GRM8: variants seen among roughly 807,000 people sequenced by gnomAD.
GRM8 encodes the protein glutamate metabotropic receptor 8, also known as metabotropic glutamate receptor 8.
GRM8 carries 47 observed loss-of-function variants against 87.2 expected under a neutral mutation model. The observed-to-expected ratio is 0.54, with a 90% CI of 0.43 to 0.69. The LOEUF (loss-of-function observed/expected upper bound fraction) is 0.69, where lower values mean the gene tolerates loss of function less well. Among genes scored for constraint, GRM8 ranks in the 30% least tolerant of loss-of-function variants. The pLI, the probability that GRM8 is intolerant of heterozygous loss-of-function variation, is 0.00. For synonymous variants in GRM8, 396 were observed against 404.5 expected (o/e 0.98, Z 0.25); for missense variants, 1,019 against 1,139.2 (o/e 0.89, Z 1.52).
chr7:127,218,889 T>C (rs17868486), intron 2 of GRM8, among the ~76,000 whole-genome samples: 4 of 152,234 alleles, frequency 2.6e-5, no homozygotes, highest in Non-Finnish European at 4.4e-5. Flanking sequence ...TCATGCCTCC[T>C]AATGGTTCTG....
intron 8 of GRM8, among the ~76,000 whole-genome samples, chr7:126,557,758 CAT>C (rs1176206673): frequency 5.9e-5 from 9 of 152,078 alleles, no homozygotes; most frequent in Non-Finnish European, 1.2e-4. Flanking sequence ...AATATGGCAA[CAT>C]ATGTGTATGA....
chr7:126,732,739 A>AT (rs1417885835), intron 7 of GRM8, among the ~76,000 whole-genome samples: 1 of 152,050 alleles, frequency 6.6e-6, no homozygotes, highest in East Asian at 1.9e-4. Flanking sequence ...TCATTGTTAA[A>AT]TTTTTTCAAG....
At chr7:126,768,110 A>G (rs950906485) in intron 7 of GRM8, among the ~76,000 whole-genome samples, 1 of 151,988 alleles carries the variant, frequency 6.6e-6, no homozygotes, top group East Asian at 1.9e-4. Flanking sequence ...TTCAGATTTC[A>G]TCTGTTCCTA....
chr7:127,141,612 C>A (rs1414508712), intron 2 of GRM8, among the ~76,000 whole-genome samples: 1 of 152,156 alleles, frequency 6.6e-6, no homozygotes, highest in Non-Finnish European at 1.5e-5. Context: ...TTCTCTACCT[C>A]ATCTCCTTCC....
At position 127,243,234 on chromosome 7, in the gene GRM8, AC is replaced by A; in HGVS notation, c.-31del. The A allele has an allele frequency of 6.3e-7, 1 of 1,576,534 alleles. No homozygotes were observed. ...TCCACAGGTGGTATTGCAATCCAAG[AC>A]CCAAAGTTTATTCTTGCCACAGAAG... is the stretch of plus-strand genomic sequence containing the variant. On this transcript the variant is annotated 5_prime_UTR_variant, in exon 2 of 11. Coordinates refer to ENST00000339582, the MANE Select transcript of GRM8 (RefSeq NM_000845.3).
chr7:126,594,099 T>G (rs1223739771), intron 8 of GRM8, among the ~76,000 whole-genome samples: 1 of 151,816 alleles, frequency 6.6e-6, no homozygotes, highest in African/African-American at 2.4e-5. Context: ...AAAGTATTAG[T>G]GAGGATATGG....
rs1825832945 is a variant in GRM8 at position 127,106,650 on chromosome 7, A to G, written c.573T>C (p.Phe191=). The G allele has an allele frequency of 2.0e-5, 33 of 1,613,964 alleles. No homozygotes were observed. In the East Asian group the frequency reaches 7.1e-4, roughly 35 times the overall value. ...PELSDNTRYD[F]FSRVVPPDSY... is the part of the protein sequence containing the mutation. ...AGTCAGGCGGAACCACTCGAGAGAA[A>G]AAGTCATACCTGGTGTTATCACTTA... The change falls in exon 3 of 11, where the codon TTT becomes TTC. Residue 191 remains phenylalanine, a synonymous_variant. Coordinates refer to ENST00000339582, the MANE Select transcript of GRM8 (RefSeq NM_000845.3).
Position 126,868,308 on chromosome 7 carries a change from G to A in GRM8, c.1156+34234C>T, listed in dbSNP as rs561677776. On this transcript the variant is annotated intron_variant, in intron 6 of 10. Coordinates refer to ENST00000339582, the MANE Select transcript of GRM8 (RefSeq NM_000845.3). ...TGAAAGAGTGGGCCAGTGTGGACTC[G>A]AGCTCTAGCTGCTCAGCCTCAGGCT... Among the ~76,000 whole-genome samples, 96 of 152,250 alleles carry A rather than the reference G, an allele frequency of 6.3e-4. 1 individual carries two copies. Among genetic ancestry groups the A allele is most frequent in the Middle Eastern group, 3.4e-3 (1 of 294 alleles).
chr7:126,851,971 C>CT (rs2130728917), intron 6 of GRM8, among the ~76,000 whole-genome samples: 1 of 152,234 alleles, frequency 6.6e-6, no homozygotes, highest in East Asian at 1.9e-4. Flanking sequence ...TGCTCGAGTG[C>CT]TGTATTGCCA....
At chr7:126,945,710 G>C (rs995770498) in intron 3 of GRM8, among the ~76,000 whole-genome samples, 1 of 152,110 alleles carries the variant, frequency 6.6e-6, no homozygotes, top group African/African-American at 2.4e-5. Context: ...TCTGGTCCCA[G>C]GCATTTCAGA....
chr7:126,692,995 T>C (rs1269800660), intron 7 of GRM8, among the ~76,000 whole-genome samples: 1 of 152,214 alleles, frequency 6.6e-6, no homozygotes, highest in African/African-American at 2.4e-5. Context: ...AAGAATGGTG[T>C]TGCCTTCACC....
intron 7 of GRM8, among the ~76,000 whole-genome samples, chr7:126,672,168 C>A (rs749194239): frequency 6.6e-6 from 1 of 152,188 alleles, no homozygotes; most frequent in Admixed American, 6.5e-5. Context: ...CTGACAGTAG[C>A]GGAGATAGTG....
chr7:126,717,883 C>A (rs186969256), intron 7 of GRM8, among the ~76,000 whole-genome samples: 23 of 152,238 alleles, frequency 1.5e-4, no homozygotes, highest in African/African-American at 5.1e-4. Context: ...AGGAGTAACT[C>A]TTTCATAAGT....
At chr7:127,112,752 G>A (rs1456977012) in intron 2 of GRM8, among the ~76,000 whole-genome samples, 1 of 152,104 alleles carries the variant, frequency 6.6e-6, no homozygotes, top group Non-Finnish European at 1.5e-5. Flanking sequence ...TGTAGCCTGT[G>A]CAGTCTTCTC....
At chr7:126,619,805 C>G (rs572915160) in intron 7 of GRM8, among the ~76,000 whole-genome samples, 16 of 152,228 alleles carry the variant, frequency 1.1e-4, no homozygotes, top group African/African-American at 3.9e-4. Flanking sequence ...ATCCTCCAAC[C>G]TTGGCCTCCT....
At chr7:126,683,987 A>G (rs888860345) in intron 7 of GRM8, among the ~76,000 whole-genome samples, 1 of 152,222 alleles carries the variant, frequency 6.6e-6, no homozygotes, top group African/African-American at 2.4e-5. Flanking sequence ...TGAAAGAGGG[A>G]TCATGTTGAA....
intron 7 of GRM8, among the ~76,000 whole-genome samples, chr7:126,663,121 C>G (rs1368874219): frequency 6.6e-6 from 1 of 152,166 alleles, no homozygotes; most frequent in African/African-American, 2.4e-5. Flanking sequence ...AAGCACTGAG[C>G]AGACCAATAT....
intron 7 of GRM8, among the ~76,000 whole-genome samples, chr7:126,630,151 C>T (rs1018320801): frequency 9.3e-5 from 14 of 151,118 alleles, no homozygotes; most frequent in Non-Finnish European, 1.9e-4. Context: ...AAACAATAGC[C>T]TCCAAAGATT....
At chr7:126,617,305 G>T (rs1409839352) in intron 7 of GRM8, among the ~76,000 whole-genome samples, 1 of 152,116 alleles carries the variant, frequency 6.6e-6, no homozygotes, top group Non-Finnish European at 1.5e-5. Flanking sequence ...ATGAAGAAAA[G>T]GCCTTTGACA....
Sources: gnomAD v4.1 joint callset for allele counts (sites outside exome capture counted in the v4.1 genomes callset) on GRCh38, gnomAD v4.1.1 for gene constraint, MANE v1.5 for transcripts, NCBI Gene and HGNC (gene_info 2026-07-23, HGNC 2026-07-21) for gene names.